Variants in PHAF1 observed in about 807,000 individuals in gnomAD.
The protein encoded by PHAF1 is phagophore assembly factor 1.
Under a neutral mutation model 63.1 loss-of-function variants are expected in PHAF1, and 23 were observed. The ratio of observed to expected loss-of-function variants is 0.36; its 90% CI spans 0.26 to 0.52. The LOEUF (loss-of-function observed/expected upper bound fraction) is 0.52, where lower values mean the gene tolerates loss of function less well. Among genes scored for constraint, PHAF1 ranks in the 20% least tolerant of loss-of-function variants. PHAF1 has a pLI of 0.93. For synonymous variants in PHAF1, 167 were observed against 185.0 expected (o/e 0.90, Z 0.79); for missense variants, 427 against 517.2 (o/e 0.83, Z 1.69).
At chr16:67,133,031 A>C in intron 6 of PHAF1, 120 bp downstream of exon 6, 1 of 841,098 alleles carries the variant, frequency 1.2e-6, no homozygotes, top group Non-Finnish European at 1.9e-6. Flanking sequence ...TTTGGTTTCC[A>C]TGTATTTGAG....
chr16:67,137,895 G>A (rs140439808), intron 8 of PHAF1, among the ~76,000 whole-genome samples: 111 of 152,258 alleles, frequency 7.3e-4, no homozygotes, highest in African/African-American at 2.5e-3. Context: ...AAGGGTTATC[G>A]TCTTCACTGA....
chr16:67,112,139 A>G (rs1449728193), intron 1 of PHAF1, among the ~76,000 whole-genome samples: 1 of 151,702 alleles, frequency 6.6e-6, no homozygotes, highest in East Asian at 1.9e-4. Context: ...CCCAAGCAAG[A>G]TCCTCCCACG....
At chr16:67,124,598 C>T (rs1211159330) in intron 2 of PHAF1, among the ~76,000 whole-genome samples, 1 of 152,134 alleles carries the variant, frequency 6.6e-6, no homozygotes, top group Non-Finnish European at 1.5e-5. Context: ...GAAACTAAAC[C>T]TTTGGCCGAG....
At position 67,133,131 on chromosome 16, in the gene PHAF1, A is replaced by G. The variant is rs565466373; in HGVS notation, c.450+220A>G. ...TCCGAGGAAGAGGATACTTCCCACA[A>G]TGGAGTGAGGTCAGGCTCACTTTTC... On this transcript the variant is annotated intron_variant, in intron 6 of 15. Coordinates refer to ENST00000219139, the MANE Select transcript of PHAF1 (RefSeq NM_025187.5). Among the ~76,000 whole-genome samples, 50 of 152,284 alleles carry G rather than the reference A, an allele frequency of 3.3e-4. 1 individual carries two copies. The highest frequency in any genetic ancestry group is 3.4e-3 in the Middle Eastern group (1 of 294).
At position 67,147,085 on chromosome 16, in the gene PHAF1, GC is replaced by G. The variant is rs539297455; in HGVS notation, c.1230del (p.Arg411GlyfsTer6). The part of the protein sequence containing the change: ...NNHIASVTLY[G>X]PPRPGSHLRT... ...CACATTGCCTCGGTGACCCTGTATG[GC>G]CCCCCCAGGCCTGGTAGCCACCTGA... On this transcript the variant is annotated frameshift_variant, in exon 16 of 16. Transcript: ENST00000219139. LOFTEE classifies it high-confidence loss of function. The G allele has an allele frequency of 9.9e-6, 16 of 1,613,652 alleles. No homozygotes were observed. The Admixed American group carries it at 1.2e-4, about 12-fold the overall frequency.
At chr16:67,146,404 AG>A in intron 15 of PHAF1, 54 bp downstream of exon 15, 23 of 1,546,918 alleles carry the variant, frequency 1.5e-5, no homozygotes, top group Non-Finnish European at 2.0e-5. Flanking sequence ...TGGTCATGGC[AG>A]GGCCAGGTGA....
At chr16:67,130,675 C>T (rs1963359244) in intron 3 of PHAF1, among the ~76,000 whole-genome samples, 1 of 152,160 alleles carries the variant, frequency 6.6e-6, no homozygotes, top group Non-Finnish European at 1.5e-5. Flanking sequence ...TAAAGCAACC[C>T]GACCTGGGTT....
Position 67,125,963 on chromosome 16 carries a change from C to T in PHAF1, c.152C>T (p.Pro51Leu). ...NVQVLYSEQS[P>L]LSHDLILNLT... Reference sequence around the variant, plus strand: ...TATTTTATTTTTGTTTTGTAGTCTCCTCTAAGCCATGACCTCATTCTTAAC... The same window carrying T: ...TATTTTATTTTTGTTTTGTAGTCTCTTCTAAGCCATGACCTCATTCTTAAC... Residue 51 changes from proline to leucine, a missense_variant, in exon 3 of 16, where the codon CCT becomes CTT. By Grantham distance (98) the Pro-to-Leu change is moderately conservative. Coordinates refer to ENST00000219139, the MANE Select transcript of PHAF1 (RefSeq NM_025187.5). The T allele has an allele frequency of 6.2e-7, 1 of 1,609,650 alleles. No individual in the cohort carries two copies. Among genetic ancestry groups the T allele is most frequent in the Non-Finnish European group, 8.5e-7 (1 of 1,177,536 alleles).
At chr16:67,112,907 C>T (rs1360681036) in intron 1 of PHAF1, among the ~76,000 whole-genome samples, 1 of 152,118 alleles carries the variant, frequency 6.6e-6, no homozygotes, top group Non-Finnish European at 1.5e-5. Flanking sequence ...CATTTTCCAC[C>T]TCTGTCAATC....
At chr16:67,112,428 C>T (rs1189866354) in intron 1 of PHAF1, among the ~76,000 whole-genome samples, 1 of 147,754 alleles carries the variant, frequency 6.8e-6, no homozygotes, top group African/African-American at 2.5e-5. Flanking sequence ...CTTAACTACT[C>T]GGGAGGCTGA....
chr16:67,113,682 G>A (rs1201656882), intron 1 of PHAF1, among the ~76,000 whole-genome samples: 13 of 150,972 alleles, frequency 8.6e-5, no homozygotes, highest in Admixed American at 7.3e-4. Flanking sequence ...ATCTCCTGAC[G>A]TCGTGATCCG....
At chr16:67,125,904 A>G in intron 2 of PHAF1, 55 bp from the exon 3 acceptor site, 1 of 1,240,584 alleles carries the variant, frequency 8.1e-7, no homozygotes, top group Non-Finnish European at 1.2e-6. Context: ...GGCTTTCAGT[A>G]GGTGCTTAGT....
At position 67,132,952 on chromosome 16, in the gene PHAF1, G is replaced by A. The variant is rs771009481; in HGVS notation, c.450+41G>A. The A allele has an allele frequency of 8.8e-6, 13 of 1,478,446 alleles. No individual in the cohort carries two copies. The South Asian group carries it at 1.5e-4, about 17-fold the overall frequency. The allele number at this position is 1,478,446 out of a possible 1,614,324, so 91.6% of individuals were successfully genotyped here. On this transcript the variant is annotated intron_variant, in intron 6 of 15. Coordinates refer to ENST00000219139, the MANE Select transcript of PHAF1 (RefSeq NM_025187.5). Reference sequence around the variant, plus strand: ...CCCCTGGTGTTTGTTGTATGTGTCTGTGGTATGGCTCAGCAGATGGTGTCA... The same window carrying A: ...CCCCTGGTGTTTGTTGTATGTGTCTATGGTATGGCTCAGCAGATGGTGTCA...
intron 8 of PHAF1, among the ~76,000 whole-genome samples, chr16:67,138,334 G>A (rs190068257): frequency 1.4e-4 from 21 of 152,246 alleles, no homozygotes; most frequent in Admixed American, 3.9e-4. Context: ...AGATTCTTGG[G>A]TTAGTTGAAC....
At chr16:67,143,574 G>T (rs908012621) in intron 10 of PHAF1, among the ~76,000 whole-genome samples, 1 of 152,174 alleles carries the variant, frequency 6.6e-6, no homozygotes, top group African/African-American at 2.4e-5. Flanking sequence ...AGAGGAACCT[G>T]CCTTGAAAGT....
Position 67,110,115 on chromosome 16 carries a change from T to G in PHAF1, c.-61T>G. ...GCCTGTCAGCCGCTGCTTTGTCTCC[T>G]TAGCTCGGGTCCCTTCTGCGCTGCC... On this transcript the variant is annotated 5_prime_UTR_variant, in exon 1 of 16. Transcript: ENST00000219139. The G allele has an allele frequency of 6.5e-7, 1 of 1,536,008 alleles. No homozygotes were observed.
At chr16:67,112,416 G>A (rs1962554089) in intron 1 of PHAF1, among the ~76,000 whole-genome samples, 1 of 148,444 alleles carries the variant, frequency 6.7e-6, no homozygotes, top group Non-Finnish European at 1.5e-5. Context: ...CAGGCCTGTA[G>A]TCTTAACTAC....
intron 1 of PHAF1, among the ~76,000 whole-genome samples, chr16:67,112,381 CAAAAAAAA>C (rs964546436): frequency 6.6e-5 from 3 of 45,374 alleles, no homozygotes; most frequent in African/African-American, 2.5e-4. Flanking sequence ...TCGTTTCTAC[CAAAAAAAA>C]AAAAAAAAAA....
intron 1 of PHAF1, among the ~76,000 whole-genome samples, chr16:67,119,747 C>T (rs2145831036): frequency 6.8e-6 from 1 of 146,840 alleles, no homozygotes; most frequent in South Asian, 2.2e-4. Context: ...AGGCTGGTTT[C>T]AAATGCCTGA....
Sources: allele counts gnomAD v4.1 joint callset (sites outside exome capture counted in the v4.1 genomes callset), GRCh38; gene constraint gnomAD v4.1.1; transcripts MANE v1.5; gene names NCBI Gene and HGNC (gene_info 2026-07-23, HGNC 2026-07-21).